Variants in SGIP1 observed in about 807,000 individuals in gnomAD.
SGIP1 encodes SH3GL interacting endocytic adaptor 1, also known as SH3-containing GRB2-like protein 3-interacting protein 1.
SGIP1 carries 38 observed loss-of-function variants against 107.5 expected under a neutral mutation model. That is an observed-to-expected ratio of 0.35 (90% CI 0.27 to 0.46). SGIP1 has a LOEUF of 0.46. Ranked by LOEUF, SGIP1 falls within the 20% of genes least tolerant of loss-of-function variation. The probability of loss-of-function intolerance (pLI) is 1.00; values close to 1 mark genes in which losing one functional copy is unlikely to be tolerated. For missense variants in SGIP1, 929 were observed against 1,019.5 expected (o/e 0.91, Z 1.21); for synonymous variants, 365 against 366.1 (o/e 1.00, Z 0.03).
At chr1:66,706,665 T>C (rs553777766) in intron 18 of SGIP1, among the ~76,000 whole-genome samples, 33 of 151,980 alleles carry the variant, frequency 2.2e-4, no homozygotes, top group African/African-American at 7.2e-4. Flanking sequence ...ATACACATTA[T>C]AGAAAACTTG....
intron 17 of SGIP1, 29 bp from the exon 18 acceptor site, chr1:66,695,405 C>T (rs368337919): frequency 9.9e-6 from 16 of 1,613,982 alleles, no homozygotes; most frequent in Non-Finnish European, 1.4e-5. Flanking sequence ...TTAACCCTTC[C>T]CATCCCGCTT....
At chr1:66,557,074 C>T (rs1040755801) in intron 1 of SGIP1, among the ~76,000 whole-genome samples, 1 of 152,078 alleles carries the variant, frequency 6.6e-6, no homozygotes, top group South Asian at 2.1e-4. Flanking sequence ...GACTATGAAT[C>T]ATCCACTTAG....
intron 1 of SGIP1, among the ~76,000 whole-genome samples, chr1:66,613,935 GA>G (rs1480063764): frequency 6.6e-6 from 1 of 152,162 alleles, no homozygotes; most frequent in African/African-American, 2.4e-5. Flanking sequence ...TTGAGAAGAT[GA>G]AGATATCTTC....
chr1:66,631,516 C>A (rs997015992), intron 2 of SGIP1, among the ~76,000 whole-genome samples: 12 of 152,126 alleles, frequency 7.9e-5, no homozygotes, highest in African/African-American at 2.9e-4. Flanking sequence ...ACAGAACTCA[C>A]TAGTTATGAA....
intron 1 of SGIP1, among the ~76,000 whole-genome samples, chr1:66,594,663 C>T (rs1008330568): frequency 6.6e-6 from 1 of 152,068 alleles, no homozygotes; most frequent in Non-Finnish European, 1.5e-5. Context: ...AAAATAAACT[C>T]CGGTTTATTA....
At chr1:66,578,423 G>A (rs1234486071) in intron 1 of SGIP1, among the ~76,000 whole-genome samples, 1 of 152,182 alleles carries the variant, frequency 6.6e-6, no homozygotes, top group Admixed American at 6.5e-5. Flanking sequence ...CTTGAATTAT[G>A]TTATGAAATG....
At chr1:66,657,056 A>G (rs192975593) in intron 7 of SGIP1, among the ~76,000 whole-genome samples, 1 of 152,182 alleles carries the variant, frequency 6.6e-6, no homozygotes, top group African/African-American at 2.4e-5. Flanking sequence ...TGCACCTATA[A>G]TCCCAGCTAC....
chr1:66,742,554 C>T (rs1282685046), intron 24 of SGIP1, among the ~76,000 whole-genome samples: 1 of 138,442 alleles, frequency 7.2e-6, no homozygotes, highest in African/African-American at 2.8e-5. Context: ...ACTGCAAGCT[C>T]CGCCTCTTGG....
At chr1:66,716,598 G>A (rs2093258286) in intron 18 of SGIP1, among the ~76,000 whole-genome samples, 2 of 151,932 alleles carry the variant, frequency 1.3e-5, no homozygotes, top group South Asian at 2.1e-4. Flanking sequence ...CTAAACTCAA[G>A]TCCATTGTTT....
intron 1 of SGIP1, among the ~76,000 whole-genome samples, chr1:66,599,232 C>T (rs2065286392): frequency 6.6e-6 from 1 of 152,154 alleles, no homozygotes; most frequent in African/African-American, 2.4e-5. Context: ...ATTACTTAAA[C>T]ATCAAATGAA....
chr1:66,610,266 A>C (rs1249451182), intron 1 of SGIP1, among the ~76,000 whole-genome samples: 3 of 152,204 alleles, frequency 2.0e-5, no homozygotes, highest in African/African-American at 7.2e-5. Context: ...TGTTCTCTCT[A>C]GGTAAAGATA....
intron 1 of SGIP1, among the ~76,000 whole-genome samples, chr1:66,604,285 A>G (rs2066406000): frequency 6.6e-6 from 1 of 152,188 alleles, no homozygotes; most frequent in South Asian, 2.1e-4. Context: ...ATGTAGCAAA[A>G]TATTCCATGC....
chr1:66,690,349 GT>G, intron 17 of SGIP1, 33 bp downstream of exon 17: 1 of 1,612,512 alleles, frequency 6.2e-7, no homozygotes, highest in Non-Finnish European at 8.5e-7. Flanking sequence ...TAATCCGTTT[GT>G]GGTTTTGACT....
chr1:66,555,549 T>A (rs1441266498), intron 1 of SGIP1, among the ~76,000 whole-genome samples: 5 of 152,142 alleles, frequency 3.3e-5, no homozygotes, highest in African/African-American at 1.2e-4. Flanking sequence ...ATTGGTTGAA[T>A]TAACAAATGA....
intron 1 of SGIP1, among the ~76,000 whole-genome samples, chr1:66,609,253 T>C (rs1244903625): frequency 1.3e-5 from 2 of 152,148 alleles, no homozygotes; most frequent in African/African-American, 2.4e-5. Flanking sequence ...TATAATGAAG[T>C]CTTAAGTGAA....
chr1:66,620,788 A>G (rs1447634486), intron 1 of SGIP1, among the ~76,000 whole-genome samples: 1 of 152,302 alleles, frequency 6.6e-6, no homozygotes, highest in East Asian at 1.9e-4. Context: ...AGTTTCATGA[A>G]ACAGTATTTA....
intron 1 of SGIP1, among the ~76,000 whole-genome samples, chr1:66,554,314 C>A (rs1163578766): frequency 6.6e-6 from 1 of 152,136 alleles, no homozygotes; most frequent in Non-Finnish European, 1.5e-5. Context: ...TTTTTACAAT[C>A]TTTTGAGATT....
At chr1:66,681,114 T>G (rs772482813) in intron 14 of SGIP1, among the ~76,000 whole-genome samples, 6 of 152,206 alleles carry the variant, frequency 3.9e-5, no homozygotes, top group Admixed American at 6.5e-5. Flanking sequence ...ATTTAAAAAT[T>G]TTTAAATTAT....
intron 19 of SGIP1, among the ~76,000 whole-genome samples, chr1:66,721,229 G>A (rs1178647861): frequency 2.0e-5 from 3 of 152,260 alleles, no homozygotes; most frequent in Admixed American, 6.5e-5. Flanking sequence ...CATCATGAGC[G>A]TTAGCTGTAG....
Sources: gnomAD v4.1 joint callset for allele counts (sites outside exome capture counted in the v4.1 genomes callset) on GRCh38, gnomAD v4.1.1 for gene constraint, MANE v1.5 for transcripts, NCBI Gene and HGNC (gene_info 2026-07-23, HGNC 2026-07-21) for gene names.